Variants in KIAA1217 observed in about 807,000 individuals in gnomAD.
KIAA1217 encodes the protein KIAA1217.
In KIAA1217, 88 loss-of-function variants were observed where a neutral mutation model predicts 163.9. The observed-to-expected ratio is 0.54, with a 90% confidence interval of 0.45 to 0.64. The LOEUF is 0.64. Among genes scored for constraint, KIAA1217 ranks in the 30% least tolerant of loss-of-function variants. The pLI is 0.00. For missense variants in KIAA1217, 2,372 were observed against 2,475.0 expected, an observed-to-expected ratio of 0.96 and a Z score of 0.88; for synonymous variants, 903 against 923.1, an observed-to-expected ratio of 0.98 and a Z score of 0.39.
rs140163237 is a variant in KIAA1217, at chr10:23,915,986, G to A, written c.-320-91239G>A. On this transcript the variant is annotated intron_variant, in intron 1 of 18. Transcript: ENST00000376462. Reference sequence around the variant, plus strand: ...TAATGGCAGGGAAAGAATACCTAGGGCAATGCTTAAGAATGTCAGAATGCC... The same window carrying A: ...TAATGGCAGGGAAAGAATACCTAGGACAATGCTTAAGAATGTCAGAATGCC... Among the ~76,000 whole-genome samples, 6 of 152,262 alleles carry A rather than the reference G, an allele frequency of 3.9e-5. No homozygotes were observed. The East Asian group carries it at 1.2e-3, about 29-fold the overall frequency.
rs1251574742 is a variant in KIAA1217, at chr10:23,695,971, T to TC, written c.-321+741dup. On this transcript the variant is annotated intron_variant, in intron 1 of 18. Coordinates refer to the KIAA1217 transcript ENST00000376462. This position sits in a 1 kb window ranked among gnomAD's most constrained non-coding sequence, Gnocchi z 4.9. ...CGGCCGGCCTTCCGGCTGGCTGCCC[T>TC]CCCCGCTCGCCGCTCTCCCCGCGCC... Among the ~76,000 whole-genome samples, 1 of 152,060 alleles carries TC rather than the reference T, an allele frequency of 6.6e-6. No individual in the cohort carries two copies. The highest frequency in any genetic ancestry group is 2.4e-5 in the African/African-American group (1 of 41,402).
Position 24,271,689 on chromosome 10 carries a change from GCTGCAGTGTGTCGAGATTGTGCCA to G in KIAA1217, c.354+51786_354+51809del, listed in dbSNP as rs1266669576. On this transcript the variant is annotated intron_variant, in intron 2 of 20. Coordinates refer to ENST00000376454, the MANE Select transcript of KIAA1217 (RefSeq NM_019590.5). ...ATCACCTGAGCCTGGGGAGGTTGAGGCTGCAGTGTGTCGAGATTGTGCCACTGCACTTCAGCCTGGGTGACAGAG... is the reference window on the plus strand; with the variant it reads ...ATCACCTGAGCCTGGGGAGGTTGAGGCTGCACTTCAGCCTGGGTGACAGAG... Among the ~76,000 whole-genome samples, 18 of 151,920 alleles carry G rather than the reference GCTGCAGTGTGTCGAGATTGTGCCA, an allele frequency of 1.2e-4. 1 individual carries two copies. The highest frequency in any genetic ancestry group is 1.1e-3 in the Admixed American group (16 of 15,224).
At chr10:23,706,208 A>G (rs2130721092) in intron 1 of KIAA1217, among the ~76,000 whole-genome samples, 1 of 152,250 alleles carries the variant, frequency 6.6e-6, no homozygotes, top group Middle Eastern at 3.4e-3. Context: ...GTGAATAGAC[A>G]GTTTTATTTA....
intron 1 of KIAA1217, among the ~76,000 whole-genome samples, chr10:23,972,025 T>C (rs1845335825): frequency 6.6e-6 from 1 of 152,214 alleles, no homozygotes; most frequent in Middle Eastern, 3.2e-3. Context: ...AACCAATGAA[T>C]ATCTAACATT....
chr10:24,147,832 CA>C (rs1176106711), intron 2 of KIAA1217, among the ~76,000 whole-genome samples: 260 of 20,740 alleles, frequency 0.013, no homozygotes, highest in East Asian at 0.05. Flanking sequence ...TACTCTGTCT[CA>C]AAAAAAAAAA....
At chr10:23,818,026 C>CAT (rs1837417620) in intron 1 of KIAA1217, among the ~76,000 whole-genome samples, 1 of 123,904 alleles carries the variant, frequency 8.1e-6, no homozygotes, top group African/African-American at 3.5e-5. Context: ...TATATATACA[C>CAT]ACATATATAT....
intron 2 of KIAA1217, among the ~76,000 whole-genome samples, chr10:24,279,083 G>T (rs566512089): frequency 3.9e-5 from 6 of 151,932 alleles, no homozygotes; most frequent in Non-Finnish European, 8.8e-5. Context: ...CAGGTGATCC[G>T]CACATCTTGG....
intron 2 of KIAA1217, among the ~76,000 whole-genome samples, chr10:24,335,486 A>C (rs2133676337): frequency 6.6e-6 from 1 of 152,000 alleles, no homozygotes; most frequent in South Asian, 2.1e-4. Flanking sequence ...TTATGGGATG[A>C]AAAAGATGAT....
At chr10:23,847,059 C>A (rs1005474527) in intron 1 of KIAA1217, among the ~76,000 whole-genome samples, 1 of 152,126 alleles carries the variant, frequency 6.6e-6, no homozygotes, top group Non-Finnish European at 1.5e-5. Context: ...ATATGTTGAA[C>A]CACCCTTGCC....
intron 1 of KIAA1217, among the ~76,000 whole-genome samples, chr10:23,803,395 T>TA (rs1452538173): frequency 3.3e-5 from 5 of 152,300 alleles, no homozygotes; most frequent in Non-Finnish European, 5.9e-5. Flanking sequence ...GCAGCCCCCG[T>TA]CCTATGACCG....
chr10:24,137,162 A>G (rs1489208395), intron 2 of KIAA1217, among the ~76,000 whole-genome samples: 1 of 152,228 alleles, frequency 6.6e-6, no homozygotes, highest in Non-Finnish European at 1.5e-5. Context: ...ACAAAAGTAA[A>G]AGAATTGTTG....
chr10:23,907,150 G>T (rs968518527), intron 1 of KIAA1217, among the ~76,000 whole-genome samples: 2 of 152,068 alleles, frequency 1.3e-5, no homozygotes. Context: ...TTGGACTGCT[G>T]CTTTGCTTGA....
intron 2 of KIAA1217, among the ~76,000 whole-genome samples, chr10:24,300,830 G>A (rs1406234896): frequency 6.6e-6 from 1 of 151,816 alleles, no homozygotes; most frequent in Non-Finnish European, 1.5e-5. Context: ...TTTGTTTATT[G>A]AGACAAGAGT....
chr10:23,789,583 C>A (rs1352589506), intron 1 of KIAA1217, among the ~76,000 whole-genome samples: 2 of 151,988 alleles, frequency 1.3e-5, no homozygotes, highest in Non-Finnish European at 1.5e-5. Flanking sequence ...GTGAGTGAAG[C>A]CTTGGCAAGA....
chr10:24,403,383 C>G (rs560805669), intron 3 of KIAA1217, among the ~76,000 whole-genome samples: 18 of 152,270 alleles, frequency 1.2e-4, no homozygotes, highest in Middle Eastern at 3.4e-3. Context: ...GGATTACAGA[C>G]ATGTGCCACC....
intron 3 of KIAA1217, among the ~76,000 whole-genome samples, chr10:24,425,068 CT>C (rs1042691974): frequency 4.6e-5 from 7 of 152,158 alleles, no homozygotes; most frequent in Admixed American, 4.6e-4. Flanking sequence ...TTGAGCAGCC[CT>C]TGGCTTATTT....
At chr10:24,022,227 A>G (rs1847765112) in intron 2 of KIAA1217, among the ~76,000 whole-genome samples, 4 of 151,838 alleles carry the variant, frequency 2.6e-5, no homozygotes, top group Middle Eastern at 3.4e-3. Context: ...TTGCATGCAA[A>G]ATATACAACG....
chr10:24,408,867 G>T (rs1160097974), intron 3 of KIAA1217, among the ~76,000 whole-genome samples: 3 of 151,906 alleles, frequency 2.0e-5, no homozygotes, highest in Non-Finnish European at 4.4e-5. Flanking sequence ...ACCTGATATA[G>T]TATACGCTCA....
intron 2 of KIAA1217, among the ~76,000 whole-genome samples, chr10:24,249,753 G>A (rs774258869): frequency 4.6e-5 from 7 of 152,126 alleles, no homozygotes; most frequent in Admixed American, 1.3e-4. Flanking sequence ...AAAACCCTGC[G>A]GAGAGATACC....
Sources: allele counts gnomAD v4.1 joint callset (sites outside exome capture counted in the v4.1 genomes callset), GRCh38; gene constraint gnomAD v4.1.1; non-coding constraint Gnocchi (gnomAD v3.1); transcripts MANE v1.5; gene names NCBI Gene and HGNC (gene_info 2026-07-23, HGNC 2026-07-21).